Variants in HDAC9 observed in about 807,000 individuals in gnomAD.
HDAC9 encodes MEF-2 interacting transcription repressor (MITR) protein.
A neutral mutation model predicts 139.4 loss-of-function variants in HDAC9; 41 were observed. That is an observed-to-expected ratio of 0.29 (90% CI 0.23 to 0.38). The LOEUF (loss-of-function observed/expected upper bound fraction) is 0.38, where lower values mean the gene tolerates loss of function less well. HDAC9 is among the 10% of genes least tolerant of loss of function. HDAC9 has a pLI of 1.00. For synonymous variants in HDAC9, 517 were observed against 476.2 expected (o/e 1.09, Z -1.12); for missense variants, 1,147 against 1,297.0 (o/e 0.88, Z 1.78).
At chr7:18,954,357 T>C in intron 24 of HDAC9, 127 bp downstream of exon 24, 1 of 732,338 alleles carries the variant, frequency 1.4e-6, no homozygotes, top group Non-Finnish European at 2.2e-6. Context: ...CTTAAGTATA[T>C]ATCTTAATGT....
At chr7:18,222,129 A>T (rs1218992336) in intron 2 of HDAC9, among the ~76,000 whole-genome samples, 1 of 151,220 alleles carries the variant, frequency 6.6e-6, no homozygotes, top group Non-Finnish European at 1.5e-5. Flanking sequence ...AGTATGGGGA[A>T]CTTCTGAGTT....
intron 2 of HDAC9, among the ~76,000 whole-genome samples, chr7:18,557,089 T>C (rs1819033038): frequency 6.6e-6 from 1 of 152,008 alleles, no homozygotes; most frequent in South Asian, 2.1e-4. Context: ...ATGATCTCAT[T>C]TGTATTTTAG....
intron 1 of HDAC9, among the ~76,000 whole-genome samples, chr7:18,147,865 A>T (rs1786462435): frequency 6.6e-6 from 1 of 152,048 alleles, no homozygotes; most frequent in Non-Finnish European, 1.5e-5. Context: ...TGATTTTATT[A>T]TGTCATTAAT....
chr7:18,742,605 T>A (rs1307664043), intron 13 of HDAC9, among the ~76,000 whole-genome samples: 1 of 152,214 alleles, frequency 6.6e-6, no homozygotes, highest in East Asian at 1.9e-4. Context: ...TTCCTGTATT[T>A]GGTTAGTCAG....
chr7:18,824,087 G>GAAGAAGAAT (rs1331001570), intron 17 of HDAC9, among the ~76,000 whole-genome samples: 9 of 147,548 alleles, frequency 6.1e-5, no homozygotes, highest in South Asian at 2.2e-4. Context: ...AGAAGAAGAA[G>GAAGAAGAAT]AACAAGAACA....
intron 22 of HDAC9, among the ~76,000 whole-genome samples, chr7:18,934,445 C>G (rs1399293703): frequency 1.3e-5 from 2 of 152,048 alleles, no homozygotes; most frequent in Admixed American, 1.3e-4. Flanking sequence ...TATGACCAAG[C>G]TTATTTTACT....
chr7:18,682,587 T>C (rs958884571), intron 12 of HDAC9, among the ~76,000 whole-genome samples: 2 of 152,088 alleles, frequency 1.3e-5, no homozygotes, highest in African/African-American at 4.8e-5. Context: ...AATATAGCCA[T>C]GGCAGAAATG....
At chr7:18,549,745 GT>G (rs538089618) in intron 2 of HDAC9, among the ~76,000 whole-genome samples, 373 of 142,324 alleles carry the variant, frequency 2.6e-3, no homozygotes, top group African/African-American at 7.0e-3. Flanking sequence ...TAAAAAGGTG[GT>G]TTTTTTTTTT....
intron 2 of HDAC9, among the ~76,000 whole-genome samples, chr7:18,170,087 G>C (rs1436659560): frequency 2.6e-5 from 4 of 152,182 alleles, no homozygotes; most frequent in Admixed American, 1.3e-4. Flanking sequence ...CAGTGTAAAA[G>C]TGTTCCTATT....
chr7:18,256,967 A>G (rs1795287615), intron 2 of HDAC9, among the ~76,000 whole-genome samples: 1 of 151,806 alleles, frequency 6.6e-6, no homozygotes, highest in Non-Finnish European at 1.5e-5. Context: ...TGCATATCTG[A>G]GGTCCCAGCT....
In HDAC9 at chr7:18,412,848, TA is replaced by T. The variant is rs544544909; in HGVS notation, c.-41-83410del. Among the ~76,000 whole-genome samples, 670 of 152,342 alleles carry T rather than the reference TA, an allele frequency of 4.4e-3. 3 individuals are homozygous for T. The highest frequency in any genetic ancestry group is 0.016 in the African/African-American group (645 of 41,578). On this transcript the variant is annotated intron_variant, in intron 1 of 3. Transcript: ENST00000413509. The stretch of plus-strand genomic sequence containing the variant: ...TCATCTAATGAAAACTTGAAAAAAT[TA>T]AAACAATAGTGTAATGAAATGGATT...
intron 16 of HDAC9, among the ~76,000 whole-genome samples, chr7:18,773,121 C>T (rs760620631): frequency 6.6e-6 from 1 of 152,036 alleles, no homozygotes. Flanking sequence ...AATTCACTTA[C>T]TTGCAGCATC....
intron 12 of HDAC9, among the ~76,000 whole-genome samples, chr7:18,708,415 G>A (rs1784099682): frequency 6.6e-6 from 1 of 152,158 alleles, no homozygotes; most frequent in African/African-American, 2.4e-5. Flanking sequence ...TTCTCTAACT[G>A]TCACATGTTT....
At chr7:18,957,271 G>T (rs1783218458) in intron 24 of HDAC9, among the ~76,000 whole-genome samples, 1 of 152,086 alleles carries the variant, frequency 6.6e-6, no homozygotes, top group Non-Finnish European at 1.5e-5. Flanking sequence ...TGTCTTAGGG[G>T]CCACTCTTCT....
At chr7:18,987,355 A>G (rs543454570) in intron 25 of HDAC9, among the ~76,000 whole-genome samples, 51 of 152,270 alleles carry the variant, frequency 3.3e-4, no homozygotes, top group African/African-American at 1.0e-3. Context: ...TTCTGTTTAT[A>G]TGCTGGATTA....
chr7:18,292,622 T>A (rs1055567854), intron 1 of HDAC9, among the ~76,000 whole-genome samples: 6 of 152,066 alleles, frequency 3.9e-5, no homozygotes, highest in Non-Finnish European at 7.4e-5. Context: ...AAAGAAATGC[T>A]CTTTTAGTAA....
chr7:18,745,075 A>G (rs931303902), intron 13 of HDAC9, among the ~76,000 whole-genome samples: 4 of 152,206 alleles, frequency 2.6e-5, no homozygotes, highest in Admixed American at 2.6e-4. Flanking sequence ...AGGGTCAAAC[A>G]AAAGTAGAAT....
intron 22 of HDAC9, among the ~76,000 whole-genome samples, chr7:18,916,808 C>T (rs888027200): frequency 6.6e-5 from 10 of 152,096 alleles, no homozygotes; most frequent in South Asian, 2.1e-4. Flanking sequence ...GCCATGTCTT[C>T]GCAAAGAAAA....
chr7:18,667,929 C>T (rs1341983371), intron 12 of HDAC9: 2 of 981,176 alleles, frequency 2.0e-6, no homozygotes, highest in East Asian at 2.3e-4. Flanking sequence ...TATGGATAAT[C>T]CAAATTGACC....
Sources: gnomAD v4.1 joint callset for allele counts (sites outside exome capture counted in the v4.1 genomes callset) on GRCh38, gnomAD v4.1.1 for gene constraint, MANE v1.5 for transcripts, NCBI Gene and HGNC (gene_info 2026-07-23, HGNC 2026-07-21) for gene names.